The following DLG2 variants were observed in gnomAD, a reference collection of about 807,000 sequenced individuals.
DLG2 encodes the protein discs large MAGUK scaffold protein 2.
A neutral mutation model predicts 132.5 loss-of-function variants in DLG2; 45 were observed. That is an observed-to-expected ratio of 0.34 (90% CI 0.27 to 0.44). The LOEUF (loss-of-function observed/expected upper bound fraction) is 0.44, where lower values mean the gene tolerates loss of function less well. DLG2 is among the 20% of genes least tolerant of loss of function. The pLI, the probability that DLG2 is intolerant of heterozygous loss-of-function variation, is 1.00. For missense variants in DLG2, 1,045 were observed against 1,196.9 expected (o/e 0.87, Z 1.87); for synonymous variants, 424 against 419.6 (o/e 1.01, Z -0.13).
chr11:85,175,109 C>T (rs910726476), intron 4 of DLG2, among the ~76,000 whole-genome samples: 1 of 152,120 alleles, frequency 6.6e-6, no homozygotes, highest in Non-Finnish European at 1.5e-5. Flanking sequence ...CTCCCTAACA[C>T]ATTTTATGAG....
chr11:84,229,891 A>C (rs1217837560), intron 8 of DLG2, among the ~76,000 whole-genome samples: 1 of 152,192 alleles, frequency 6.6e-6, no homozygotes, highest in African/African-American at 2.4e-5. Context: ...CTGAGTAAGC[A>C]CTCAATAAAT....
rs553850651 is a variant in DLG2 at position 83,473,913 on chromosome 11, G to C, written c.2294-1136C>G. Among the ~76,000 whole-genome samples, 12 of 152,242 alleles carry C rather than the reference G, an allele frequency of 7.9e-5. No homozygotes were observed. In the South Asian group the frequency reaches 2.5e-3, roughly 32 times the overall value. ...ATTTGGGGAAATTGAGCAATATGTG[G>C]GTATAGCTGCGAAGTTGGATGACTT... is the stretch of plus-strand genomic sequence containing the variant. On this transcript the variant is annotated intron_variant, in intron 22 of 27. Coordinates refer to ENST00000376104, the MANE Select transcript of DLG2 (RefSeq NM_001142699.3).
chr11:83,475,393 C>T (rs772403632), intron 22 of DLG2, among the ~76,000 whole-genome samples: 6 of 152,072 alleles, frequency 3.9e-5, no homozygotes, highest in Non-Finnish European at 7.4e-5. Context: ...GAGGTAGGTA[C>T]TCTGATGATC....
At chr11:83,854,439 C>T (rs978497898) in intron 16 of DLG2, among the ~76,000 whole-genome samples, 1 of 152,096 alleles carries the variant, frequency 6.6e-6, no homozygotes, top group Non-Finnish European at 1.5e-5. Context: ...GAGGATAACA[C>T]TACCTAGCTT....
rs150607206 is a variant in DLG2 at position 83,787,154 on chromosome 11, T to C, written c.1723-362A>G. Among the ~76,000 whole-genome samples the C allele has an allele frequency of 1.5e-4, 23 of 151,970 alleles. No homozygotes were observed. The East Asian group carries it at 2.3e-3, about 15-fold the overall frequency. On this transcript the variant is annotated intron_variant, in intron 17 of 27. Coordinates refer to ENST00000376104, the MANE Select transcript of DLG2 (RefSeq NM_001142699.3). Reference sequence around the variant, plus strand: ...AAACAGGATGATAAAGAGAGACACATGTAATGTAAATAGACAAATATATGC... The same window carrying C: ...AAACAGGATGATAAAGAGAGACACACGTAATGTAAATAGACAAATATATGC...
intron 4 of DLG2, among the ~76,000 whole-genome samples, chr11:85,259,002 TA>T (rs2076804957): frequency 6.6e-6 from 1 of 152,208 alleles, no homozygotes; most frequent in African/African-American, 2.4e-5. Flanking sequence ...AAGGACCATA[TA>T]TTTCATCTGC....
chr11:83,862,085 A>T (rs2061548019), intron 16 of DLG2, among the ~76,000 whole-genome samples: 1 of 152,176 alleles, frequency 6.6e-6, no homozygotes, highest in African/African-American at 2.4e-5. Flanking sequence ...CAATCCCACT[A>T]CTAGGTATAT....
At chr11:84,696,464 G>C (rs1021164563) in intron 6 of DLG2, among the ~76,000 whole-genome samples, 10 of 151,466 alleles carry the variant, frequency 6.6e-5, no homozygotes, top group Non-Finnish European at 1.2e-4. Flanking sequence ...CCTTGACTTT[G>C]CTGTTGATAG....
chr11:85,551,538 A>T (rs1044512692), intron 3 of DLG2, among the ~76,000 whole-genome samples: 4 of 152,080 alleles, frequency 2.6e-5, no homozygotes, highest in African/African-American at 9.6e-5. Context: ...TAACTCCTTT[A>T]TAACTATTAA....
chr11:85,365,278 G>A (rs528451413), intron 3 of DLG2, among the ~76,000 whole-genome samples: 6 of 152,204 alleles, frequency 3.9e-5, no homozygotes, highest in African/African-American at 1.4e-4. Context: ...AAACAATAAT[G>A]GGAGAGAATG....
At chr11:84,656,886 T>C (rs1293988411) in intron 6 of DLG2, among the ~76,000 whole-genome samples, 2 of 152,202 alleles carry the variant, frequency 1.3e-5, no homozygotes, top group Non-Finnish European at 2.9e-5. Flanking sequence ...CCAACAAGTT[T>C]ATATTTCTGT....
chr11:85,080,545 T>C (rs562145091), intron 6 of DLG2, among the ~76,000 whole-genome samples: 25 of 152,150 alleles, frequency 1.6e-4, no homozygotes, highest in Non-Finnish European at 3.4e-4. Context: ...ATGAGAGCAG[T>C]TTATTTTAGC....
chr11:83,811,403 A>G (rs1394237103), intron 17 of DLG2, among the ~76,000 whole-genome samples: 1 of 152,088 alleles, frequency 6.6e-6, no homozygotes, highest in African/African-American at 2.4e-5. Flanking sequence ...GACAATATTC[A>G]ACTTGACCTA....
intron 3 of DLG2, among the ~76,000 whole-genome samples, chr11:85,315,835 C>A (rs1441866416): frequency 1.3e-5 from 2 of 151,958 alleles, no homozygotes; most frequent in Non-Finnish European, 2.9e-5. Context: ...AAAACTGCCT[C>A]TTCACCTCTC....
rs192150532 is a variant in DLG2 at position 83,750,918 on chromosome 11, C to T, written c.1825+35772G>A. ...TAACAAACATTTATTGACCACTCCC[C>T]GTGTATCAGATATTTTACTAGGCAC... On this transcript the variant is annotated intron_variant, in intron 18 of 27. Transcript: ENST00000376104. 2.0e-4 allele frequency among the ~76,000 whole-genome samples: 30 copies of T among 152,218 alleles called. 1 individual carries two copies. Among genetic ancestry groups the T allele is most frequent in the Admixed American group, 1.8e-3 (27 of 15,278 alleles).
chr11:84,158,265 G>A (rs1468444319), intron 9 of DLG2, among the ~76,000 whole-genome samples: 5 of 151,952 alleles, frequency 3.3e-5, no homozygotes, highest in Non-Finnish European at 7.4e-5. Flanking sequence ...GGGTTTCACC[G>A]TGTTAGCCAG....
chr11:84,714,589 TTC>T (rs1482317193), intron 6 of DLG2, among the ~76,000 whole-genome samples: 1 of 125,940 alleles, frequency 7.9e-6, no homozygotes, highest in Non-Finnish European at 1.6e-5. Context: ...CTCTTTCTCT[TTC>T]TCTTTCTTTC....
rs371250715 is a variant in DLG2 at position 83,888,044 on chromosome 11, C to G, written c.1497-13556G>C. Among the ~76,000 whole-genome samples the G allele has an allele frequency of 3.3e-3, 475 of 144,240 alleles. 20 individuals carry two copies. In the East Asian group the frequency reaches 0.09, roughly 27 times the overall value. The allele number at this position is 144,240 out of a possible 152,430, so 94.6% of individuals were successfully genotyped here. A position where few individuals can be genotyped will look rare whatever the true frequency, so the allele number is the denominator to read the frequency against. ...ATTCCCTTTGAAAACTGGCACAAGA[C>G]AGGGATGCCCTCTCTCACCACTCCT... On this transcript the variant is annotated intron_variant, in intron 15 of 27. Coordinates refer to ENST00000376104, the MANE Select transcript of DLG2 (RefSeq NM_001142699.3).
chr11:84,368,892 G>T (rs1484502211), intron 7 of DLG2, among the ~76,000 whole-genome samples: 1 of 152,052 alleles, frequency 6.6e-6, no homozygotes, highest in Non-Finnish European at 1.5e-5. Context: ...TAGAACTAGT[G>T]TCTTACCAAT....
Sources: gnomAD v4.1 joint callset for allele counts (sites outside exome capture counted in the v4.1 genomes callset) on GRCh38, gnomAD v4.1.1 for gene constraint, MANE v1.5 for transcripts, NCBI Gene and HGNC (gene_info 2026-07-23, HGNC 2026-07-21) for gene names.